The following HACD3 variants were observed in gnomAD, a reference collection of about 807,000 sequenced individuals.
HACD3 encodes 3-hydroxyacyl-CoA dehydratase 3.
Under a neutral mutation model 55.2 loss-of-function variants are expected in HACD3, and 30 were observed. The observed-to-expected ratio is 0.54, with a 90% CI of 0.41 to 0.74. The LOEUF is 0.74. Ranked by LOEUF, HACD3 falls within the 30% of genes least tolerant of loss-of-function variation. The pLI is 0.00. For missense variants in HACD3, 363 were observed against 440.1 expected (o/e 0.82, Z 1.57); for synonymous variants, 141 against 151.7 (o/e 0.93, Z 0.52).
chr15:65,567,900 A>C (rs984558665), intron 7 of HACD3, among the ~76,000 whole-genome samples: 1 of 150,922 alleles, frequency 6.6e-6, no homozygotes, highest in Non-Finnish European at 1.5e-5. Context: ...CTGAATGGGG[A>C]GTTATTGTTT....
At position 65,572,929 on chromosome 15, in the gene HACD3, A is replaced by T. The variant is rs944317005; in HGVS notation, c.1012+563A>T. On this transcript the variant is annotated intron_variant, in intron 10 of 10. Coordinates refer to ENST00000261875, the MANE Select transcript of HACD3 (RefSeq NM_016395.4). ...GACTTTGTCTCAAAAAAAAAAAAAA[A>T]ATAAATAAATAAATAAAAATTAAAA... Among the ~76,000 whole-genome samples, 17 of 144,804 alleles carry T rather than the reference A, an allele frequency of 1.2e-4. No homozygotes were observed. The South Asian group carries it at 1.3e-3, about 11-fold the overall frequency. 95.0% of individuals were successfully genotyped at this position (144,804 alleles called of 152,430 possible).
chr15:65,535,591 A>G (rs138536615), intron 1 of HACD3: 33 of 397,642 alleles, frequency 8.3e-5, no homozygotes, highest in African/African-American at 6.4e-4. Context: ...GCATGTGTTC[A>G]TTTAGTGTCT....
At chr15:65,569,707 C>T (rs1024010999) in intron 7 of HACD3, among the ~76,000 whole-genome samples, 5 of 151,052 alleles carry the variant, frequency 3.3e-5, no homozygotes, top group Non-Finnish European at 5.9e-5. Flanking sequence ...GACCCCGTCT[C>T]GATAAAAAAG....
At chr15:65,544,396 C>T (rs931901473) in intron 1 of HACD3, among the ~76,000 whole-genome samples, 13 of 151,912 alleles carry the variant, frequency 8.6e-5, no homozygotes, top group Admixed American at 5.9e-4. Context: ...TACCTGCAAG[C>T]GAATGCAAGT....
rs2141198755 is a variant in HACD3 at position 65,530,782 on chromosome 15, C to G, written c.87+64C>G. 3.5e-6 allele frequency: 5 copies of G among 1,428,254 alleles called. No homozygotes were observed. The East Asian group carries it at 1.4e-4, about 41-fold the overall frequency. 88.5% of individuals were successfully genotyped at this position (1,428,254 alleles called of 1,614,324 possible). On this transcript the variant is annotated intron_variant, in intron 1 of 10. Transcript: ENST00000261875. Reference sequence around the variant, plus strand: ...GCGGCTCCGGGTACCCGCCAGGACCCCTGCCCCCTTTGTCCGCGTGCGCGC... The same window carrying G: ...GCGGCTCCGGGTACCCGCCAGGACCGCTGCCCCCTTTGTCCGCGTGCGCGC...
chr15:65,546,998 C>G (rs2072083998), intron 1 of HACD3, among the ~76,000 whole-genome samples: 1 of 152,160 alleles, frequency 6.6e-6, no homozygotes, highest in African/African-American at 2.4e-5. Flanking sequence ...GTATAAGCCT[C>G]TTTATCATTC....
At chr15:65,565,496 A>T (rs1451070333) in intron 7 of HACD3, 1 of 152,168 alleles carries the variant, frequency 6.6e-6, no homozygotes, top group Non-Finnish European at 1.5e-5. Context: ...TCAATTCTTG[A>T]CTTCTCTGCA....
chr15:65,557,778 G>T (rs1645434094), intron 4 of HACD3, among the ~76,000 whole-genome samples: 1 of 152,088 alleles, frequency 6.6e-6, no homozygotes, highest in African/African-American at 2.4e-5. Flanking sequence ...GTGAGTACAT[G>T]GGTATTTATT....
At chr15:65,550,996 G>A (rs1471002443) in intron 1 of HACD3, 1 of 152,210 alleles carries the variant, frequency 6.6e-6, no homozygotes, top group African/African-American at 2.4e-5. Context: ...GACCTCTCCC[G>A]AGTCTTGTTT....
In HACD3 at chr15:65,576,538, A is replaced by G. The variant is rs553817401; in HGVS notation, c.*159A>G. ...CAGTAACATTCCTGAATTTACTGTT[A>G]TCTTATTGTAGTACTTGCATGACAT... On this transcript the variant is annotated 3_prime_UTR_variant, in exon 11 of 11. Transcript: ENST00000261875. 1.6e-5 allele frequency: 12 copies of G among 757,660 alleles called. No homozygotes were observed. In the East Asian group the frequency reaches 2.7e-4, roughly 17 times the overall value. The allele number at this position is 757,660 out of a possible 1,614,324, so 46.9% of individuals were successfully genotyped here.
At chr15:65,531,799 C>A (rs558161879) in intron 1 of HACD3, among the ~76,000 whole-genome samples, 1 of 152,248 alleles carries the variant, frequency 6.6e-6, no homozygotes, top group African/African-American at 2.4e-5. Flanking sequence ...CTTCTGACCT[C>A]AGGTGATCCA....
intron 5 of HACD3, among the ~76,000 whole-genome samples, chr15:65,561,156 A>C (rs1313123612): frequency 6.6e-6 from 1 of 152,126 alleles, no homozygotes; most frequent in East Asian, 1.9e-4. Context: ...GAAAAGAAGA[A>C]ACTATGGATT....
chr15:65,530,582 G>A lies in HACD3; in HGVS notation c.-50G>A. ...TCGCGCCAGCAGAGCACTACCTGAG[G>A]CAGCGAGGCGCAGCGAGCCTAGCCT... On this transcript the variant is annotated 5_prime_UTR_variant, in exon 1 of 11. Transcript: ENST00000261875. 6.7e-7 allele frequency: 1 copy of A among 1,499,178 alleles called. No homozygotes were observed. Among genetic ancestry groups the A allele is most frequent in the Non-Finnish European group, 9.1e-7 (1 of 1,103,546 alleles). The allele number at this position is 1,499,178 out of a possible 1,614,324, so 92.9% of individuals were successfully genotyped here. A position where few individuals can be genotyped will look rare whatever the true frequency, so the allele number is the denominator to read the frequency against.
intron 1 of HACD3, among the ~76,000 whole-genome samples, chr15:65,547,336 C>T (rs1284908284): frequency 7.2e-5 from 11 of 152,238 alleles, no homozygotes; most frequent in South Asian, 2.1e-4. Flanking sequence ...AGGCTGGTCT[C>T]GAACTCCTGA....
rs1408176246 is a variant in HACD3 at position 65,559,470 on chromosome 15, C to T, written c.421+739C>T. Among the ~76,000 whole-genome samples the T allele has an allele frequency of 5.3e-5, 8 of 150,426 alleles. No individual in the cohort carries two copies. The East Asian group carries it at 1.4e-3, about 26-fold the overall frequency. On this transcript the variant is annotated intron_variant, in intron 5 of 10. Transcript: ENST00000261875. ...TTACTTGTTCTAAGTTGAAATTTTT[C>T]AAATTTTAGTGGTACTTATCTAGCA...
At chr15:65,550,224 C>CA (rs1364200266) in intron 1 of HACD3, among the ~76,000 whole-genome samples, 1 of 151,942 alleles carries the variant, frequency 6.6e-6, no homozygotes, top group East Asian at 1.9e-4. Context: ...CTCGTCTCTG[C>CA]AAAAATACAA....
At chr15:65,548,595 C>A (rs2072099815) in intron 1 of HACD3, among the ~76,000 whole-genome samples, 1 of 150,846 alleles carries the variant, frequency 6.6e-6, no homozygotes, top group Non-Finnish European at 1.5e-5. Flanking sequence ...TTTTTTGAGA[C>A]AGGGTCTTAG....
intron 7 of HACD3, among the ~76,000 whole-genome samples, chr15:65,567,697 G>C (rs1188066045): frequency 6.6e-6 from 1 of 152,078 alleles, no homozygotes; most frequent in Non-Finnish European, 1.5e-5. Flanking sequence ...ACATACAATG[G>C]GATATTATGT....
chr15:65,555,840 T>C (rs1479555796), intron 3 of HACD3, among the ~76,000 whole-genome samples: 1 of 152,138 alleles, frequency 6.6e-6, no homozygotes, highest in East Asian at 1.9e-4. Flanking sequence ...AGGACAGTCA[T>C]TTTCATGGGA....
Sources: gnomAD v4.1 joint callset for allele counts (sites outside exome capture counted in the v4.1 genomes callset) on GRCh38, gnomAD v4.1.1 for gene constraint, MANE v1.5 for transcripts, NCBI Gene and HGNC (gene_info 2026-07-23, HGNC 2026-07-21) for gene names.